Variants in ANKRD36B observed in about 807,000 individuals in gnomAD.
ANKRD36B encodes ankyrin repeat domain-containing protein 36B.
Under a neutral mutation model 135.7 loss-of-function variants are expected in ANKRD36B, and 37 were observed. The observed-to-expected ratio is 0.27, with a 90% CI of 0.21 to 0.36. ANKRD36B has a LOEUF of 0.36. Among genes scored for constraint, ANKRD36B ranks in the 10% least tolerant of loss-of-function variants. The probability of loss-of-function intolerance (pLI) is 1.00; values close to 1 mark genes in which losing one functional copy is unlikely to be tolerated. For missense variants in ANKRD36B, 549 were observed against 1,037.1 expected, an observed-to-expected ratio of 0.53 and a Z score of 6.46; for synonymous variants, 179 against 348.1, an observed-to-expected ratio of 0.51 and a Z score of 5.41.
rs552617087 is a variant in ANKRD36B, at chr2:97,549,843, A to G, written c.1376-229T>C. ...AATTTCAAACATGGTATGATTTCTC[A>G]TATGTCAAAAACTAAACTAAAACCG... On this transcript the variant is annotated intron_variant, in intron 18 of 43. Transcript: ENST00000359901. Among the ~76,000 whole-genome samples the G allele has an allele frequency of 2.4e-3, 369 of 152,014 alleles. 3 individuals are homozygous for G. The highest frequency in any genetic ancestry group is 3.2e-3 in the Admixed American group (49 of 15,244).
chr2:97,556,730 T>C (rs375195733), intron 12 of ANKRD36B, among the ~76,000 whole-genome samples: 2 of 151,918 alleles, frequency 1.3e-5, no homozygotes, highest in South Asian at 2.1e-4. Flanking sequence ...CCAATTTCAA[T>C]GTAGGGAACT....
At chr2:97,550,911 A>G (rs543199889) in intron 18 of ANKRD36B, among the ~76,000 whole-genome samples, 2 of 151,916 alleles carry the variant, frequency 1.3e-5, no homozygotes, top group South Asian at 4.2e-4. Context: ...GTTATTATGA[A>G]CAGTTTTCTG....
In ANKRD36B at chr2:97,555,113, T is replaced by A. The variant is rs1239747043; in HGVS notation, c.1118A>T (p.Asp373Val). ...PASKTASDKT[D>V]SALNTATEIK... Reference sequence around the variant, plus strand: ...TTCTGTAGCTGTATTCAAAGCAGAATCTGTCTTGTCACTTGCAGTCTGAAA... The same window carrying A: ...TTCTGTAGCTGTATTCAAAGCAGAAACTGTCTTGTCACTTGCAGTCTGAAA... Residue 373 changes from aspartate to valine, a missense_variant, in exon 14 of 44, where the codon GAT (aspartate) becomes GTT (valine). Physicochemically the swap from Asp to Val is radical, Grantham distance 152 (BLOSUM62 -3). Coordinates refer to ENST00000359901, the MANE Select transcript of ANKRD36B (RefSeq NM_001393939.1). 4 of 1,611,872 alleles carry A rather than the reference T, an allele frequency of 2.5e-6. No individual in the cohort carries two copies. Among genetic ancestry groups the A allele is most frequent in the African/African-American group, 1.3e-5 (1 of 74,792 alleles).
intron 4 of ANKRD36B, among the ~76,000 whole-genome samples, chr2:97,580,177 TAACA>T (rs2082534616): frequency 6.6e-6 from 1 of 152,260 alleles, no homozygotes. Context: ...ATCTTACAAA[TAACA>T]AACATCTATC....
At chr2:97,543,761 A>G in intron 26 of ANKRD36B, 29 bp downstream of exon 26, 1 of 153,444 alleles carries the variant, frequency 6.5e-6, no homozygotes, top group East Asian at 8.0e-5. Flanking sequence ...TGGACTGAAC[A>G]TGACATTAAA....
rs2083286826 is a variant in ANKRD36B at position 97,589,690 on chromosome 2, G to A, written c.-5C>T. 6.2e-7 allele frequency: 1 copy of A among 1,614,156 alleles called. No individual in the cohort carries two copies. Among genetic ancestry groups the A allele is most frequent in the Non-Finnish European group, 8.5e-7 (1 of 1,180,016 alleles). On this transcript the variant is annotated 5_prime_UTR_variant, in exon 1 of 44. Coordinates refer to ENST00000359901, the MANE Select transcript of ANKRD36B (RefSeq NM_001393939.1). The stretch of plus-strand genomic sequence containing the variant: ...ATCCGAGCACAAGCGCTCCATGAGG[G>A]TGGGCCACCTCTCCCGCTCGTCGTC...
At chr2:97,535,368 T>C (rs1386778346) in intron 34 of ANKRD36B, among the ~76,000 whole-genome samples, 2 of 102,134 alleles carry the variant, frequency 2.0e-5, no homozygotes, top group African/African-American at 5.5e-5. Context: ...AGGTGATGGA[T>C]AACCCATTAA....
At position 97,549,488 on chromosome 2, in the gene ANKRD36B, T is replaced by G. The variant is rs1420669287; in HGVS notation, c.1408A>C (p.Thr470Pro). ...AAAACAGAATCTTCCTTGACACTTG[T>G]AGCCTGAATGGAATTTGAAATGAAA... is the stretch of plus-strand genomic sequence containing the variant. ...SSQKPPALKA[T>P]SVKEDSVLNI... is the part of the protein sequence containing the mutation. The change falls in exon 20 of 44, where the codon ACA becomes CCA. Residue 470 changes from threonine to proline, a missense_variant. Coordinates refer to ENST00000359901, the MANE Select transcript of ANKRD36B (RefSeq NM_001393939.1). 1 of 1,594,978 alleles carries G rather than the reference T, an allele frequency of 6.3e-7. No individual in the cohort carries two copies. Among genetic ancestry groups the G allele is most frequent in the Non-Finnish European group, 8.5e-7 (1 of 1,170,454 alleles).
Position 97,531,567 on chromosome 2 carries a change from T to TA in ANKRD36B, c.2265+743dup, listed in dbSNP as rs2078607370. ...AATTTAAAGTACAATAATAATAAAA[T>TA]AAAAAAAGAAAAGCAAATTCTTACA... On this transcript the variant is annotated intron_variant, in intron 35 of 43. Transcript: ENST00000359901. Among the ~76,000 whole-genome samples, 2 of 94,596 alleles carry TA rather than the reference T, an allele frequency of 2.1e-5. 1 individual carries two copies. Among genetic ancestry groups the TA allele is most frequent in the Non-Finnish European group, 5.6e-5 (2 of 35,724 alleles). 62.1% of individuals were successfully genotyped at this position (94,596 alleles called of 152,430 possible).
chr2:97,550,721 G>T (rs557314022), intron 18 of ANKRD36B, among the ~76,000 whole-genome samples: 4 of 151,926 alleles, frequency 2.6e-5, no homozygotes, highest in East Asian at 3.9e-4. Flanking sequence ...ATCAAATATT[G>T]TTTATGAAAA....
At chr2:97,555,716 T>C (rs1182398271) in intron 12 of ANKRD36B, among the ~76,000 whole-genome samples, 1 of 151,906 alleles carries the variant, frequency 6.6e-6, no homozygotes, top group South Asian at 2.1e-4. Context: ...ACAATTACAA[T>C]GACACTTCAG....
In ANKRD36B at chr2:97,528,260, C is replaced by G. The variant is rs372117419; in HGVS notation, c.2265+4051G>C. Among the ~76,000 whole-genome samples the G allele has an allele frequency of 1.5e-3, 143 of 94,660 alleles. 44 individuals carry two copies. The highest frequency in any genetic ancestry group is 0.01 in the Middle Eastern group (2 of 194). 62.1% of individuals were successfully genotyped at this position (94,660 alleles called of 152,430 possible). A position where few individuals can be genotyped will look rare whatever the true frequency, so the allele number is the denominator to read the frequency against. ...CAGGATTAAGAAACTCACTAAAAAC[C>G]GCTCAACTACATGGAAACTGAACAA... is the stretch of plus-strand genomic sequence containing the variant. On this transcript the variant is annotated intron_variant, in intron 35 of 43. Transcript: ENST00000359901.
chr2:97,584,952 A>C lies in ANKRD36B; in HGVS notation c.442T>G (p.Cys148Gly). The C allele has an allele frequency of 1.2e-6, 2 of 1,601,512 alleles. No individual in the cohort carries two copies. Among genetic ancestry groups the C allele is most frequent in the Non-Finnish European group, 1.7e-6 (2 of 1,175,402 alleles). Residue 148 changes from cysteine (C) to glycine (G), a missense_variant, in exon 3 of 44, where the codon TGC (cysteine) becomes GGC (glycine). By Grantham distance (159) the Cys-to-Gly change is radical. Transcript: ENST00000359901. ...CATTGGTTGACCTATACCTTGCTGC[A>C]TTCTTCAATATTTGTACCATGTGAA... ...LLSHGTNIEE[C>G]SKNEYQPLLL...
intron 6 of ANKRD36B, among the ~76,000 whole-genome samples, chr2:97,572,201 GA>G (rs1172967052): frequency 6.6e-6 from 1 of 151,582 alleles, no homozygotes; most frequent in Non-Finnish European, 1.5e-5. Flanking sequence ...AGGACCACCT[GA>G]ACCCAGAAGT....
chr2:97,530,492 T>C (rs2104447037), intron 35 of ANKRD36B, among the ~76,000 whole-genome samples: 1 of 95,494 alleles, frequency 1.0e-5, no homozygotes, highest in East Asian at 2.3e-4. Context: ...GACATAGGCA[T>C]GGGCAAGGAC....
At chr2:97,549,916 T>C (rs1239198653) in intron 18 of ANKRD36B, among the ~76,000 whole-genome samples, 1 of 151,966 alleles carries the variant, frequency 6.6e-6, no homozygotes, top group Non-Finnish European at 1.5e-5. Flanking sequence ...AAATGTGATC[T>C]AAAATCAGAG....
chr2:97,581,822 A>G (rs1573074229), intron 3 of ANKRD36B, among the ~76,000 whole-genome samples: 2 of 152,072 alleles, frequency 1.3e-5, no homozygotes, highest in Admixed American at 6.5e-5. Context: ...TATTTATTTG[A>G]GATGGAGTCT....
chr2:97,580,582 G>T lies in ANKRD36B; in HGVS notation c.451-14C>A. Reference sequence around the variant, plus strand: ...CTGATATTCATTCTGTAAAATAACAGCAACAATTTATAATCACAAAATTAC... The same window carrying T: ...CTGATATTCATTCTGTAAAATAACATCAACAATTTATAATCACAAAATTAC... On this transcript the variant is annotated splice_polypyrimidine_tract_variant and intron_variant, in intron 3 of 43. Coordinates refer to ENST00000359901, the MANE Select transcript of ANKRD36B (RefSeq NM_001393939.1). 2.0e-6 allele frequency: 3 copies of T among 1,534,490 alleles called. No individual in the cohort carries two copies. Among genetic ancestry groups the T allele is most frequent in the Non-Finnish European group, 2.6e-6 (3 of 1,137,630 alleles).
intron 5 of ANKRD36B, 38 bp from the exon 6 acceptor site, chr2:97,576,484 T>C (rs377170786): frequency 1.3e-6 from 1 of 773,000 alleles, no homozygotes; most frequent in Admixed American, 3.2e-5. Context: ...ATTTTAATAC[T>C]ATTATCAAAA....
Sources: gnomAD v4.1 joint callset for allele counts (sites outside exome capture counted in the v4.1 genomes callset) on GRCh38, gnomAD v4.1.1 for gene constraint, MANE v1.5 for transcripts, NCBI Gene and HGNC (gene_info 2026-07-23, HGNC 2026-07-21) for gene names.